The following PPP1R13B variants were observed in gnomAD, a reference collection of about 807,000 sequenced individuals.
PPP1R13B encodes the protein protein phosphatase 1 regulatory subunit 13B.
In PPP1R13B, 44 loss-of-function variants were observed where a neutral mutation model predicts 119.8. The observed-to-expected ratio is 0.37, with a 90% CI of 0.29 to 0.47. PPP1R13B has a LOEUF of 0.47. PPP1R13B is among the 20% of genes least tolerant of loss of function. The pLI is 0.99. For missense variants in PPP1R13B, 1,227 were observed against 1,413.5 expected, an observed-to-expected ratio of 0.87 and a Z score of 2.12; for synonymous variants, 542 against 561.5, an observed-to-expected ratio of 0.97 and a Z score of 0.49.
At chr14:103,756,907 C>T (rs1406415996) in intron 5 of PPP1R13B, among the ~76,000 whole-genome samples, 2 of 146,056 alleles carry the variant, frequency 1.4e-5, no homozygotes, top group African/African-American at 2.6e-5. Context: ...TACAGGCGCC[C>T]GCCACCAAGC....
At chr14:103,790,451 G>C (rs1179466895) in intron 2 of PPP1R13B, among the ~76,000 whole-genome samples, 1 of 152,024 alleles carries the variant, frequency 6.6e-6, no homozygotes, top group Non-Finnish European at 1.5e-5. Flanking sequence ...TAGGTCATGA[G>C]AGCTCTATCT....
intron 1 of PPP1R13B, among the ~76,000 whole-genome samples, chr14:103,822,880 G>A (rs1322537967): frequency 6.6e-6 from 1 of 152,126 alleles, no homozygotes; most frequent in Non-Finnish European, 1.5e-5. Flanking sequence ...AACCATTTAT[G>A]ACATGCAAAT....
At chr14:103,762,092 G>A (rs1372492434) in intron 4 of PPP1R13B, among the ~76,000 whole-genome samples, 1 of 152,116 alleles carries the variant, frequency 6.6e-6, no homozygotes, top group African/African-American at 2.4e-5. Flanking sequence ...GTGCTTTCCT[G>A]TCCTATAACT....
rs767771565 is a variant in PPP1R13B, at chr14:103,742,846, C to T, written c.1151-23G>A. ...TAGCTTGAAAAGAACACAGAACTTACGTAAAACTTTTCTCAATGTAGTTGA... is the reference window on the plus strand; with the variant it reads ...TAGCTTGAAAAGAACACAGAACTTATGTAAAACTTTTCTCAATGTAGTTGA... On this transcript the variant is annotated intron_variant, in intron 9 of 16. Coordinates refer to ENST00000202556, the MANE Select transcript of PPP1R13B (RefSeq NM_015316.3). This position sits in a 1 kb window ranked among gnomAD's most constrained non-coding sequence, Gnocchi z 4.9. 19 of 1,612,362 alleles carry T rather than the reference C, an allele frequency of 1.2e-5. No individual in the cohort carries two copies. Among genetic ancestry groups the T allele is most frequent in the African/African-American group, 2.7e-5 (2 of 74,876 alleles).
chr14:103,766,185 T>C (rs1227633490), intron 4 of PPP1R13B, among the ~76,000 whole-genome samples: 1 of 151,952 alleles, frequency 6.6e-6, no homozygotes, highest in Non-Finnish European at 1.5e-5. Flanking sequence ...ATTTTTTGTA[T>C]TTTTAGTAGA....
intron 1 of PPP1R13B, among the ~76,000 whole-genome samples, chr14:103,829,557 C>T (rs1388484289): frequency 6.6e-6 from 1 of 151,998 alleles, no homozygotes; most frequent in Non-Finnish European, 1.5e-5. Flanking sequence ...CCACCCATAT[C>T]CAGCCTGACA....
intron 1 of PPP1R13B, among the ~76,000 whole-genome samples, chr14:103,833,113 C>T (rs1400137606): frequency 1.3e-5 from 2 of 152,140 alleles, no homozygotes; most frequent in Non-Finnish European, 2.9e-5. Context: ...CAGAACTGTA[C>T]ACTTAAAAAT....
chr14:103,762,745 G>T, intron 4 of PPP1R13B: 1 of 680,884 alleles, frequency 1.5e-6, no homozygotes, highest in Non-Finnish European at 2.7e-6. Flanking sequence ...GAGACGGATG[G>T]GGGTGGAGGC....
rs148631860 is a variant in PPP1R13B at position 103,777,285 on chromosome 14, G to A, written c.354+1460C>T. 3.0e-3 allele frequency among the ~76,000 whole-genome samples: 459 copies of A among 152,162 alleles called. 5 individuals carry two copies. In the East Asian group the frequency reaches 0.045, roughly 15 times the overall value. Reference sequence around the variant, plus strand: ...CAGGATTACAGGTGTGAGCCACCACGCCCAGCCAACACCAACATTTCTTAC... The same window carrying A: ...CAGGATTACAGGTGTGAGCCACCACACCCAGCCAACACCAACATTTCTTAC... On this transcript the variant is annotated intron_variant, in intron 4 of 16. Transcript: ENST00000202556.
At chr14:103,835,465 C>CTGT (rs1420716015) in intron 1 of PPP1R13B, among the ~76,000 whole-genome samples, 1 of 145,382 alleles carries the variant, frequency 6.9e-6, no homozygotes, top group Non-Finnish European at 1.5e-5. Context: ...AGGTCTTGCT[C>CTGT]TGTTGCCCAG....
At chr14:103,824,037 TC>T (rs1198921404) in intron 1 of PPP1R13B, among the ~76,000 whole-genome samples, 10 of 132,174 alleles carry the variant, frequency 7.6e-5, no homozygotes, top group Middle Eastern at 7.7e-3. Context: ...TTCTACCTCA[TC>T]CTTTTTTTTT....
chr14:103,814,911 C>T (rs1311604439), intron 1 of PPP1R13B, among the ~76,000 whole-genome samples: 2 of 151,672 alleles, frequency 1.3e-5, no homozygotes, highest in Non-Finnish European at 2.9e-5. Flanking sequence ...CACCACTGCA[C>T]TGCAGCCTGG....
chr14:103,748,248 G>A (rs929710034), intron 8 of PPP1R13B, among the ~76,000 whole-genome samples: 5 of 152,114 alleles, frequency 3.3e-5, no homozygotes, highest in Non-Finnish European at 7.4e-5. Context: ...TTAATCTTGA[G>A]AAAAAGGAAA....
intron 5 of PPP1R13B, among the ~76,000 whole-genome samples, chr14:103,755,995 A>C (rs2084668321): frequency 1.3e-5 from 2 of 152,214 alleles, no homozygotes; most frequent in African/African-American, 4.8e-5. Flanking sequence ...CAGATTGGAC[A>C]TTTTAGTCAT....
In PPP1R13B at chr14:103,752,874, C is replaced by A. The variant is rs2084585703; in HGVS notation, c.828+126G>T. ...AAAAATTATTTTGTACTGAATATAT[C>A]TTGTGCCTATTATTAAATTAGAATC... On this transcript the variant is annotated intron_variant, in intron 7 of 16. Coordinates refer to ENST00000202556, the MANE Select transcript of PPP1R13B (RefSeq NM_015316.3). 5 of 1,061,064 alleles carry A rather than the reference C, an allele frequency of 4.7e-6. No homozygotes were observed. The Admixed American group carries it at 1.4e-4, about 29-fold the overall frequency. 65.7% of individuals were successfully genotyped at this position (1,061,064 alleles called of 1,614,324 possible).
At chr14:103,841,605 GAAAA>G (rs932778922) in intron 1 of PPP1R13B, among the ~76,000 whole-genome samples, 1 of 151,518 alleles carries the variant, frequency 6.6e-6, no homozygotes, top group African/African-American at 2.4e-5. Flanking sequence ...GAAAAAAAAA[GAAAA>G]AAAAATTTTT....
chr14:103,781,855 T>C lies in PPP1R13B; in HGVS notation c.277+2940A>G, dbSNP rs533641190. Among the ~76,000 whole-genome samples, 4 of 152,234 alleles carry C rather than the reference T, an allele frequency of 2.6e-5. 1 individual carries two copies. The highest frequency in any genetic ancestry group is 9.6e-5 in the African/African-American group (4 of 41,544). On this transcript the variant is annotated intron_variant, in intron 3 of 16. Coordinates refer to ENST00000202556, the MANE Select transcript of PPP1R13B (RefSeq NM_015316.3). Reference sequence around the variant, plus strand: ...TTTTAGTAGAGACGGGATTTCATCATGTTAGCCAGGATGGTCTCGATCTCC... The same window carrying C: ...TTTTAGTAGAGACGGGATTTCATCACGTTAGCCAGGATGGTCTCGATCTCC...
Position 103,753,228 on chromosome 14 carries a change from G to A in PPP1R13B, c.632-32C>T. On this transcript the variant is annotated intron_variant, in intron 6 of 16. Transcript: ENST00000202556. ...TTGACCACACAAGAAAAGAATAAAAGATTTAGTTGATCCTTTTTTTTTTTC... is the reference window on the plus strand; with the variant it reads ...TTGACCACACAAGAAAAGAATAAAAAATTTAGTTGATCCTTTTTTTTTTTC... 3 of 1,526,242 alleles carry A rather than the reference G, an allele frequency of 2.0e-6. No homozygotes were observed. In the South Asian group the frequency reaches 3.7e-5, roughly 19 times the overall value. 94.5% of individuals were successfully genotyped at this position (1,526,242 alleles called of 1,614,324 possible).
At chr14:103,776,113 T>C (rs1180214930) in intron 4 of PPP1R13B, among the ~76,000 whole-genome samples, 1 of 142,882 alleles carries the variant, frequency 7.0e-6, no homozygotes, top group East Asian at 2.1e-4. Flanking sequence ...CTTTACAACA[T>C]GAAAGTCTGG....
Sources: allele counts gnomAD v4.1 joint callset (sites outside exome capture counted in the v4.1 genomes callset), GRCh38; gene constraint gnomAD v4.1.1; non-coding constraint Gnocchi (gnomAD v3.1); transcripts MANE v1.5; gene names NCBI Gene and HGNC (gene_info 2026-07-23, HGNC 2026-07-21).